CNOT2: variants seen among roughly 807,000 people sequenced by gnomAD.
CNOT2 encodes CC chemokine receptor 4-negative regulator of transcription 2.
In CNOT2, 7 loss-of-function variants were observed where a neutral mutation model predicts 72.1. The ratio of observed to expected loss-of-function variants is 0.10; its 90% CI spans 0.06 to 0.18. The LOEUF is 0.18. Ranked by LOEUF, CNOT2 falls within the 10% of genes least tolerant of loss-of-function variation. The pLI is 1.00. For missense variants in CNOT2, 345 were observed against 660.3 expected, an observed-to-expected ratio of 0.52 and a Z score of 5.23; for synonymous variants, 196 against 225.6, an observed-to-expected ratio of 0.87 and a Z score of 1.17.
chr12:70,295,736 G>A lies in CNOT2; in HGVS notation c.49-15159G>A, dbSNP rs548302376. On this transcript the variant is annotated intron_variant, in intron 2 of 15. Coordinates refer to ENST00000229195, the MANE Select transcript of CNOT2 (RefSeq NM_014515.7). ...GGTACTAATTATATTTAGTTCTTTA[G>A]TATATGTGTACTTTTTTCCTATGGA... 7.5e-3 allele frequency among the ~76,000 whole-genome samples: 1,134 copies of A among 152,176 alleles called. 8 individuals carry two copies. Among genetic ancestry groups the A allele is most frequent in the South Asian group, 0.011 (54 of 4,820 alleles).
At chr12:70,268,943 G>A (rs1186318730) in intron 1 of CNOT2, among the ~76,000 whole-genome samples, 1 of 152,136 alleles carries the variant, frequency 6.6e-6, no homozygotes, top group African/African-American at 2.4e-5. Flanking sequence ...ACTTGAGTTG[G>A]CATCTTATGC....
At chr12:70,286,264 C>G (rs1327943350) in intron 2 of CNOT2, among the ~76,000 whole-genome samples, 1 of 148,534 alleles carries the variant, frequency 6.7e-6, no homozygotes, top group African/African-American at 2.4e-5. Flanking sequence ...AATTTTGAGC[C>G]CCATCAGTAG....
chr12:70,249,335 T>A (rs1958029084), intron 1 of CNOT2, among the ~76,000 whole-genome samples: 1 of 151,890 alleles, frequency 6.6e-6, no homozygotes, highest in African/African-American at 2.4e-5. Flanking sequence ...TTAATATTTT[T>A]AAAATGTTTT....
At chr12:70,340,528 C>A (rs1465984295) in intron 11 of CNOT2, among the ~76,000 whole-genome samples, 1 of 152,110 alleles carries the variant, frequency 6.6e-6, no homozygotes, top group East Asian at 1.9e-4. Flanking sequence ...TGAATGATCA[C>A]CCCCCAACTT....
chr12:70,252,436 C>T (rs1213409612), intron 1 of CNOT2, among the ~76,000 whole-genome samples: 1 of 152,178 alleles, frequency 6.6e-6, no homozygotes, highest in East Asian at 1.9e-4. Context: ...ATCTGCCTGC[C>T]TCATCTTCCC....
chr12:70,264,729 C>G (rs1284280635), intron 1 of CNOT2, among the ~76,000 whole-genome samples: 1 of 152,152 alleles, frequency 6.6e-6, no homozygotes, highest in Non-Finnish European at 1.5e-5. Flanking sequence ...TTGACCCCAT[C>G]TGCCAGGATT....
chr12:70,351,699 C>CT (rs910080078), intron 15 of CNOT2, among the ~76,000 whole-genome samples: 18 of 152,206 alleles, frequency 1.2e-4, no homozygotes, highest in Admixed American at 4.6e-4. Context: ...TACAATTAGA[C>CT]TTTTTTTCCC....
intron 2 of CNOT2, among the ~76,000 whole-genome samples, chr12:70,303,713 A>C (rs1015241981): frequency 3.9e-5 from 6 of 152,048 alleles, no homozygotes; most frequent in Non-Finnish European, 7.4e-5. Context: ...GCTCTTCTCG[A>C]GGAGTATCTT....
chr12:70,278,347 G>A, intron 2 of CNOT2, 73 bp downstream of exon 2: 1 of 1,162,412 alleles, frequency 8.6e-7, no homozygotes, highest in Non-Finnish European at 1.3e-6. Flanking sequence ...TGTGTTATAT[G>A]TAATTGGAAC....
intron 2 of CNOT2, among the ~76,000 whole-genome samples, chr12:70,286,279 C>T (rs940984094): frequency 6.7e-6 from 1 of 149,298 alleles, no homozygotes; most frequent in Non-Finnish European, 1.5e-5. Flanking sequence ...CAGTAGTCCT[C>T]ATATTCATCT....
At chr12:70,243,819 G>C (rs1957708367) in intron 1 of CNOT2, 1 of 152,162 alleles carries the variant, frequency 6.6e-6, no homozygotes, top group Non-Finnish European at 1.5e-5. Context: ...CGAGTGGTGG[G>C]GCTTCCCCAG....
intron 15 of CNOT2, among the ~76,000 whole-genome samples, chr12:70,351,617 CAT>C (rs1180214275): frequency 6.6e-5 from 10 of 152,270 alleles, no homozygotes; most frequent in Middle Eastern, 3.4e-3. Flanking sequence ...AATTCCTAGT[CAT>C]ACATTGTAGT....
chr12:70,347,019 C>CTCTCCAGTCTATATATTAT (rs1882264377), intron 15 of CNOT2, among the ~76,000 whole-genome samples: 1 of 129,982 alleles, frequency 7.7e-6, no homozygotes, highest in Non-Finnish European at 1.7e-5. Context: ...AGAATATATT[C>CTCTCCAGTCTATATATTAT]TCTCCACTCT....
At chr12:70,276,298 T>A (rs79937867) in intron 1 of CNOT2, among the ~76,000 whole-genome samples, 11,792 of 151,992 alleles carry the variant, frequency 0.078, 580 homozygotes, top group Admixed American at 0.15. Context: ...CTTACCTGAT[T>A]ATAGATTTCC....
At chr12:70,314,833 T>G (rs1321861152) in intron 3 of CNOT2, among the ~76,000 whole-genome samples, 1 of 145,352 alleles carries the variant, frequency 6.9e-6, no homozygotes, top group Admixed American at 7.4e-5. Context: ...TTTTCTCTTT[T>G]GTTCTTGTTT....
chr12:70,253,458 C>T (rs911514584), intron 1 of CNOT2, among the ~76,000 whole-genome samples: 1 of 152,070 alleles, frequency 6.6e-6, no homozygotes, highest in African/African-American at 2.4e-5. Flanking sequence ...ACACTTAGCA[C>T]CTTTTATTTA....
In CNOT2 at chr12:70,257,354, C is replaced by CTTTT. The variant is rs34175539; in HGVS notation, c.-96+13889_-96+13892dup. Among the ~76,000 whole-genome samples, 1,042 of 128,466 alleles carry CTTTT rather than the reference C, an allele frequency of 8.1e-3. 21 individuals carry two copies. Among genetic ancestry groups the CTTTT allele is most frequent in the African/African-American group, 0.011 (377 of 35,622 alleles). The allele number at this position is 128,466 out of a possible 152,430, so 84.3% of individuals were successfully genotyped here. ...CAGTGAGTCTTTCCCCAACTACCCCCTTTTTTTTTTTTTTTTTTCTTTTTG... is the reference window on the plus strand; with the variant it reads ...CAGTGAGTCTTTCCCCAACTACCCCCTTTTTTTTTTTTTTTTTTTTTTCTTTTTG... On this transcript the variant is annotated intron_variant, in intron 1 of 15. Transcript: ENST00000229195.
chr12:70,342,977 CCTTA>C (rs1191247038), intron 13 of CNOT2, among the ~76,000 whole-genome samples: 1 of 152,012 alleles, frequency 6.6e-6, no homozygotes, highest in Non-Finnish European at 1.5e-5. Flanking sequence ...TCTGAGTGTG[CCTTA>C]CAGTTCTGTG....
intron 1 of CNOT2, among the ~76,000 whole-genome samples, chr12:70,276,415 T>C (rs1367561823): frequency 6.6e-6 from 1 of 152,004 alleles, no homozygotes; most frequent in East Asian, 1.9e-4. Context: ...AAATTTTGCA[T>C]TTATTATCCA....
Sources: allele counts gnomAD v4.1 joint callset (sites outside exome capture counted in the v4.1 genomes callset), GRCh38; gene constraint gnomAD v4.1.1; transcripts MANE v1.5; gene names NCBI Gene and HGNC (gene_info 2026-07-23, HGNC 2026-07-21).